Variants in RIMS1 observed in about 807,000 individuals in gnomAD.
RIMS1 encodes regulating synaptic membrane exocytosis protein 1.
Under a neutral mutation model 214.1 loss-of-function variants are expected in RIMS1, and 83 were observed. That is an observed-to-expected ratio of 0.39 (90% CI 0.32 to 0.47). The LOEUF is 0.47. Among genes scored for constraint, RIMS1 ranks in the 20% least tolerant of loss-of-function variants. The pLI is 0.99. For synonymous variants in RIMS1, 793 were observed against 786.8 expected (o/e 1.01, Z -0.13); for missense variants, 2,050 against 2,161.8 (o/e 0.95, Z 1.03).
In RIMS1 at chr6:72,400,927, A is replaced by G. The variant is rs932013425; in HGVS notation, c.*213A>G. 1.9e-6 allele frequency: 1 copy of G among 531,144 alleles called. No homozygotes were observed. Among genetic ancestry groups the G allele is most frequent in the Non-Finnish European group, 3.3e-6 (1 of 298,876 alleles). 32.9% of individuals were successfully genotyped at this position (531,144 alleles called of 1,614,324 possible). On this transcript the variant is annotated 3_prime_UTR_variant, in exon 34 of 34. Transcript: ENST00000521978. The stretch of plus-strand genomic sequence containing the variant: ...TATCAAATTTACAGGAAGAATCAAC[A>G]TGCTGGTGAGAGTCACTGATGCTTC...
chr6:71,976,214 T>G (rs960575592), intron 2 of RIMS1, among the ~76,000 whole-genome samples: 1 of 152,164 alleles, frequency 6.6e-6, no homozygotes. Context: ...TTGTTAACAC[T>G]TGTTATTGTC....
intron 26 of RIMS1, among the ~76,000 whole-genome samples, chr6:72,294,360 T>G (rs1441132716): frequency 6.6e-6 from 1 of 151,782 alleles, no homozygotes; most frequent in African/African-American, 2.4e-5. Flanking sequence ...CCATGAAGAT[T>G]AATGCTGACC....
Position 72,126,354 on chromosome 6 carries a change from T to C in RIMS1, c.471+26368T>C, listed in dbSNP as rs117713776. Among the ~76,000 whole-genome samples, 35 of 152,244 alleles carry C rather than the reference T, an allele frequency of 2.3e-4. No individual in the cohort carries two copies. In the East Asian group the frequency reaches 6.6e-3, roughly 29 times the overall value. The stretch of plus-strand genomic sequence containing the variant: ...ACATTGGAAAAACTCTTCTAGACAT[T>C]AGTTTGGCAAAAAGTTCATGACTAA... On this transcript the variant is annotated intron_variant, in intron 4 of 33. Coordinates refer to ENST00000521978, the MANE Select transcript of RIMS1 (RefSeq NM_014989.7).
chr6:71,954,707 T>TA (rs1790653655), intron 1 of RIMS1, among the ~76,000 whole-genome samples: 2 of 151,574 alleles, frequency 1.3e-5, no homozygotes, highest in African/African-American at 4.9e-5. Flanking sequence ...TTTTTTTTTT[T>TA]ACTTCTTTAT....
rs1330938410 is a variant in RIMS1 at position 72,157,525 on chromosome 6, C to T, written c.472-22050C>T. 1.4e-5 allele frequency among the ~76,000 whole-genome samples: 2 copies of T among 139,964 alleles called. 1 individual carries two copies. Among genetic ancestry groups the T allele is most frequent in the Non-Finnish European group, 3.2e-5 (2 of 61,566 alleles). The allele number at this position is 139,964 out of a possible 152,430, so 91.8% of individuals were successfully genotyped here. ...AATTTTTCATCATAATTAAATGCTC[C>T]TTTTCATCTCTAGTAAGGTTTACTG... On this transcript the variant is annotated intron_variant, in intron 4 of 33. Coordinates refer to ENST00000521978, the MANE Select transcript of RIMS1 (RefSeq NM_014989.7).
chr6:72,224,532 G>A lies in RIMS1; in HGVS notation c.1679-9241G>A, dbSNP rs1158834640. Among the ~76,000 whole-genome samples, 8 of 152,158 alleles carry A rather than the reference G, an allele frequency of 5.3e-5. No homozygotes were observed. The East Asian group carries it at 1.5e-3, about 29-fold the overall frequency. On this transcript the variant is annotated intron_variant, in intron 6 of 33. Transcript: ENST00000521978. ...CAGTGAGGCTTACTTATTTTTTAAA[G>A]TAACAGTTCCAACATGAAGATATTT...
In RIMS1 at chr6:72,183,830, CTGTTTTATCATTTGCTATCATAAAA is replaced by C. The variant is rs554211972; in HGVS notation, c.1678+685_1678+709del. ...GCATACTATATATATAGATACTAGTCTGTTTTATCATTTGCTATCATAAAATGTACATGAATCTATTATAAAAAGT... is the reference window on the plus strand; with the variant it reads ...GCATACTATATATATAGATACTAGTCTGTACATGAATCTATTATAAAAAGT... On this transcript the variant is annotated intron_variant, in intron 6 of 33. Coordinates refer to ENST00000521978, the MANE Select transcript of RIMS1 (RefSeq NM_014989.7). 2.1e-3 allele frequency among the ~76,000 whole-genome samples: 324 copies of C among 152,108 alleles called. 4 individuals carry two copies. The highest frequency in any genetic ancestry group is 7.0e-3 in the African/African-American group (289 of 41,490).
intron 30 of RIMS1, 149 bp downstream of exon 30, chr6:72,390,885 A>T (rs1170551229): frequency 1.2e-6 from 1 of 824,218 alleles, no homozygotes; most frequent in Admixed American, 2.8e-5. Flanking sequence ...ATGGCTTATA[A>T]GTAAGTACAC....
At chr6:72,359,374 C>A (rs1440630075) in intron 29 of RIMS1, among the ~76,000 whole-genome samples, 3 of 152,164 alleles carry the variant, frequency 2.0e-5, no homozygotes, top group Admixed American at 2.0e-4. Flanking sequence ...TTACTGAGAA[C>A]ACCTTTACAT....
chr6:72,044,358 T>C (rs1463797777), intron 2 of RIMS1, among the ~76,000 whole-genome samples: 1 of 151,728 alleles, frequency 6.6e-6, no homozygotes, highest in Non-Finnish European at 1.5e-5. Context: ...CACAAAAGCA[T>C]AAAACATAAA....
chr6:72,310,179 A>G (rs1001936933), intron 27 of RIMS1, among the ~76,000 whole-genome samples: 3 of 152,134 alleles, frequency 2.0e-5, no homozygotes, highest in African/African-American at 7.2e-5. Context: ...TTAGTTAACT[A>G]TTCTCAAATA....
At chr6:71,939,541 G>T (rs1220498298) in intron 1 of RIMS1, among the ~76,000 whole-genome samples, 1 of 152,160 alleles carries the variant, frequency 6.6e-6, no homozygotes, top group Admixed American at 6.5e-5. Context: ...AAAAATAGAG[G>T]TATATTTGCC....
At chr6:72,186,754 A>G (rs936526926) in intron 6 of RIMS1, among the ~76,000 whole-genome samples, 7 of 147,920 alleles carry the variant, frequency 4.7e-5, no homozygotes, top group Non-Finnish European at 8.9e-5. Context: ...TCCTCATTCT[A>G]TGTCCGAACT....
At chr6:71,979,405 C>A (rs1404898973) in intron 2 of RIMS1, among the ~76,000 whole-genome samples, 1 of 151,984 alleles carries the variant, frequency 6.6e-6, no homozygotes, top group Admixed American at 6.6e-5. Context: ...GGTCACCCAG[C>A]AGGACAGGGG....
intron 2 of RIMS1, among the ~76,000 whole-genome samples, chr6:72,027,144 C>T (rs1026724227): frequency 3.9e-5 from 6 of 152,090 alleles, no homozygotes; most frequent in Non-Finnish European, 5.9e-5. Context: ...AATGTGACCC[C>T]TTAATTTTCT....
intron 2 of RIMS1, among the ~76,000 whole-genome samples, chr6:72,069,862 A>G (rs766017106): frequency 3.3e-5 from 5 of 152,202 alleles, no homozygotes; most frequent in African/African-American, 9.6e-5. Context: ...TTTCTGGTCC[A>G]TGCTTAACTT....
chr6:71,988,746 A>G (rs186397130), intron 2 of RIMS1, among the ~76,000 whole-genome samples: 54 of 152,348 alleles, frequency 3.5e-4, no homozygotes, highest in African/African-American at 1.3e-3. Flanking sequence ...ACTGGCCCAT[A>G]GCAAACTGTA....
At chr6:72,140,263 C>G (rs892150164) in intron 4 of RIMS1, among the ~76,000 whole-genome samples, 16 of 152,032 alleles carry the variant, frequency 1.1e-4, no homozygotes, top group African/African-American at 3.9e-4. Flanking sequence ...GTATAATTAT[C>G]AGCAAGGAAC....
intron 4 of RIMS1, among the ~76,000 whole-genome samples, chr6:72,132,278 G>T (rs1274961244): frequency 4.6e-5 from 7 of 152,128 alleles, no homozygotes; most frequent in Non-Finnish European, 8.8e-5. Flanking sequence ...GTAAAGACAG[G>T]CATAAGAAAT....
Sources: allele counts gnomAD v4.1 joint callset (sites outside exome capture counted in the v4.1 genomes callset), GRCh38; gene constraint gnomAD v4.1.1; transcripts MANE v1.5; gene names NCBI Gene and HGNC (gene_info 2026-07-23, HGNC 2026-07-21).